BAZ1B: variants seen among roughly 807,000 people sequenced by gnomAD.
The protein encoded by BAZ1B is bromodomain adjacent to zinc finger domain 1B.
In BAZ1B, 22 loss-of-function variants were observed where a neutral mutation model predicts 153.8. The observed-to-expected ratio is 0.14, with a 90% CI of 0.10 to 0.20. BAZ1B has a LOEUF of 0.20. Ranked by LOEUF, BAZ1B falls within the 10% of genes least tolerant of loss-of-function variation. BAZ1B has a pLI of 1.00. For synonymous variants in BAZ1B, 676 were observed against 633.4 expected (o/e 1.07, Z -1.01); for missense variants, 1,325 against 1,799.3 (o/e 0.74, Z 4.77).
rs954052547 is a variant in BAZ1B at position 73,444,089 on chromosome 7, G to A, written c.3885C>T (p.Ile1295=). The A allele has an allele frequency of 6.2e-7, 1 of 1,612,484 alleles. No homozygotes were observed. The highest frequency in any genetic ancestry group is 2.2e-5 in the East Asian group (1 of 44,802). ...RKTIRGKHSV[I]PPAARSGRRP... ...GCCGGCCTGACCTTGCTGCAGGGGG[G>A]ATGACGCTGTGCTTGCCCCGGATGG... is the stretch of plus-strand genomic sequence containing the variant. The change falls in exon 17 of 20, where the codon ATC becomes ATT. Residue 1295 remains isoleucine, a synonymous_variant. Transcript: ENST00000339594.
intron 6 of BAZ1B, among the ~76,000 whole-genome samples, chr7:73,484,312 T>TAGATAGATAGAC (rs1334268770): frequency 8.7e-5 from 13 of 149,256 alleles, no homozygotes; most frequent in South Asian, 6.3e-4. Context: ...GATAGATAGA[T>TAGATAGATAGAC]AGACAGACAG....
chr7:73,516,020 G>T (rs868934174), intron 1 of BAZ1B, among the ~76,000 whole-genome samples: 3 of 152,156 alleles, frequency 2.0e-5, no homozygotes, highest in Admixed American at 6.5e-5. Context: ...TGGTGCACGT[G>T]CCTGTAGTCC....
chr7:73,519,976 G>C (rs1048052867), intron 1 of BAZ1B, among the ~76,000 whole-genome samples: 1 of 152,184 alleles, frequency 6.6e-6, no homozygotes, highest in Non-Finnish European at 1.5e-5. Flanking sequence ...GGGAGGCCGA[G>C]ATGGGCGGAT....
At chr7:73,476,752 G>T in intron 7 of BAZ1B, 116 bp downstream of exon 7, 4 of 1,466,178 alleles carry the variant, frequency 2.7e-6, no homozygotes, top group Non-Finnish European at 3.6e-6. Flanking sequence ...ATAGGTGCTG[G>T]GTTATTACAT....
intron 13 of BAZ1B, among the ~76,000 whole-genome samples, chr7:73,457,312 A>C (rs2116264829): frequency 6.6e-6 from 1 of 152,106 alleles, no homozygotes; most frequent in Non-Finnish European, 1.5e-5. Flanking sequence ...CTAGTAGCTG[A>C]GAATACAGGT....
intron 12 of BAZ1B, among the ~76,000 whole-genome samples, chr7:73,460,857 T>A (rs1352108478): frequency 6.6e-6 from 1 of 150,628 alleles, no homozygotes; most frequent in Non-Finnish European, 1.5e-5. Context: ...CCCAGCTACT[T>A]GGGAGACTGA....
chr7:73,482,954 CAG>C (rs141264506), intron 6 of BAZ1B, among the ~76,000 whole-genome samples: 160 of 152,240 alleles, frequency 1.1e-3, no homozygotes, highest in African/African-American at 3.7e-3. Context: ...TGGCTGGACT[CAG>C]GGGGATCTGA....
At chr7:73,487,754 CA>C (rs1399320768) in intron 6 of BAZ1B, among the ~76,000 whole-genome samples, 2 of 152,058 alleles carry the variant, frequency 1.3e-5, no homozygotes, top group Non-Finnish European at 2.9e-5. Flanking sequence ...CCTCAACAAA[CA>C]AAAACAAACA....
At chr7:73,483,941 T>C (rs1467354842) in intron 6 of BAZ1B, among the ~76,000 whole-genome samples, 4 of 152,060 alleles carry the variant, frequency 2.6e-5, no homozygotes, top group African/African-American at 7.2e-5. Flanking sequence ...CGCCCAGCCA[T>C]ACACAACAAA....
rs1787566278 is a variant in BAZ1B, at chr7:73,440,449, C to T, written c.*1260G>A. On this transcript the variant is annotated 3_prime_UTR_variant, in exon 20 of 20. Coordinates refer to ENST00000339594, the MANE Select transcript of BAZ1B (RefSeq NM_032408.4). The stretch of plus-strand genomic sequence containing the variant: ...AAGTACATGAGGTTTATTTGAAATT[C>T]CAATTTATTACAAGTTCACCCTTTA... The T allele has an allele frequency of 6.6e-6, 1 of 150,380 alleles. No homozygotes were observed. The allele number at this position is 150,380 out of a possible 1,614,324, so 9.3% of individuals were successfully genotyped here.
Position 73,477,874 on chromosome 7 carries a change from T to C in BAZ1B, c.1587A>G (p.Leu529=), listed in dbSNP as rs782545814. Reference sequence around the variant, plus strand: ...TAGAAGCCCACCTCTTTTTGTGCTCTAGAAGTTCATAGCGTTTTTGAACAA... The same window carrying C: ...TAGAAGCCCACCTCTTTTTGTGCTCCAGAAGTTCATAGCGTTTTTGAACAA... The part of the protein sequence containing the change: ...RSLVQKRYEL[L]EHKKRWASMS... The change falls in exon 7 of 20, where the codon CTA becomes CTG. Residue 529 remains leucine, a synonymous_variant. Transcript: ENST00000339594. The surrounding 1 kb of genome is among the most constrained non-coding windows in gnomAD (Gnocchi z 5.6). 1.9e-6 allele frequency: 3 copies of C among 1,614,208 alleles called. No homozygotes were observed. Among genetic ancestry groups the C allele is most frequent in the East Asian group, 2.2e-5 (1 of 44,890 alleles).
intron 4 of BAZ1B, 84 bp from the exon 5 acceptor site, chr7:73,493,005 C>A: frequency 7.2e-7 from 1 of 1,385,336 alleles, no homozygotes; most frequent in Non-Finnish European, 9.8e-7. Context: ...AACTGAACGT[C>A]TGCTCTTCAC....
intron 2 of BAZ1B, among the ~76,000 whole-genome samples, chr7:73,509,813 CAA>C (rs782401176): frequency 3.7e-5 from 5 of 133,972 alleles, no homozygotes; most frequent in Admixed American, 7.6e-5. Flanking sequence ...ATTAAACTAG[CAA>C]AAAAAAAAAA....
chr7:73,474,138 A>C (rs1399090760), intron 7 of BAZ1B, among the ~76,000 whole-genome samples: 1 of 152,182 alleles, frequency 6.6e-6, no homozygotes, highest in African/African-American at 2.4e-5. Context: ...AACGTATCCT[A>C]CAGTCATATG....
intron 1 of BAZ1B, among the ~76,000 whole-genome samples, chr7:73,513,233 G>A (rs544945595): frequency 5.4e-4 from 82 of 152,314 alleles, no homozygotes; most frequent in Non-Finnish European, 8.1e-4. Flanking sequence ...GATTACAGGT[G>A]TGAGCCACCA....
At chr7:73,443,321 A>G (rs1787700079) in intron 17 of BAZ1B, among the ~76,000 whole-genome samples, 1 of 152,162 alleles carries the variant, frequency 6.6e-6, no homozygotes, top group Admixed American at 6.5e-5. Context: ...TCCACCGTAG[A>G]CATGTGAGGG....
At chr7:73,452,325 C>T (rs1017747488) in intron 13 of BAZ1B, among the ~76,000 whole-genome samples, 1 of 152,152 alleles carries the variant, frequency 6.6e-6, no homozygotes, top group Non-Finnish European at 1.5e-5. Flanking sequence ...TGCTGTTTAT[C>T]CATTCATCAG....
chr7:73,492,096 G>A (rs782722371), intron 5 of BAZ1B, among the ~76,000 whole-genome samples: 31 of 147,350 alleles, frequency 2.1e-4, no homozygotes, highest in African/African-American at 2.0e-4. Context: ...AGGTTCAAGC[G>A]AGTCTCCTGC....
intron 1 of BAZ1B, among the ~76,000 whole-genome samples, chr7:73,511,402 G>A (rs1278393447): frequency 3.3e-5 from 5 of 151,918 alleles, no homozygotes; most frequent in Non-Finnish European, 7.4e-5. Context: ...GGATGATCAC[G>A]TCTCTAATCT....
Sources: gnomAD v4.1 joint callset for allele counts (sites outside exome capture counted in the v4.1 genomes callset) on GRCh38, gnomAD v4.1.1 for gene constraint, Gnocchi (gnomAD v3.1) non-coding constraint, MANE v1.5 for transcripts, NCBI Gene and HGNC (gene_info 2026-07-23, HGNC 2026-07-21) for gene names.